Variants in TCF12 observed in about 807,000 individuals in gnomAD.
The protein encoded by TCF12 is transcription factor 12.
Under a neutral mutation model 86.0 loss-of-function variants are expected in TCF12, and 45 were observed. That is an observed-to-expected ratio of 0.52 (90% confidence interval 0.41 to 0.67). TCF12 has a LOEUF of 0.67. Ranked by LOEUF, TCF12 falls within the 30% of genes least tolerant of loss-of-function variation. The pLI is 0.00. For missense variants in TCF12, 881 were observed against 859.9 expected (o/e 1.02, Z -0.31); for synonymous variants, 330 against 299.6 (o/e 1.10, Z -1.05).
At chr15:57,290,546 G>C (rs1199339206), downstream of TCF12, among the ~76,000 whole-genome samples, 2 of 152,158 alleles carry the variant, frequency 1.3e-5, no homozygotes, top group African/African-American at 4.8e-5. Context: ...CATGCTGCAG[G>C]TTTGACATTA....
intron 3 of TCF12, among the ~76,000 whole-genome samples, chr15:57,026,018 T>C (rs1259266819): frequency 6.6e-6 from 1 of 152,178 alleles, no homozygotes; most frequent in Non-Finnish European, 1.5e-5. Flanking sequence ...GGAATAATAC[T>C]CTCCAGAGTT....
At chr15:57,089,511 G>A (rs1390677883) in intron 4 of TCF12, among the ~76,000 whole-genome samples, 1 of 151,462 alleles carries the variant, frequency 6.6e-6, no homozygotes, top group Non-Finnish European at 1.5e-5. Context: ...AATAAATTGT[G>A]TGTAGTCATT....
In TCF12 at chr15:57,256,565, G is replaced by A. The variant is rs904619074; in HGVS notation, c.1467+3097G>A. ...GATTCCCCACCCCCACCCCCACCCC[G>A]CCCCACCTTGTTTTTGGTCTCTTAT... On this transcript the variant is annotated intron_variant, in intron 16 of 20. Coordinates refer to ENST00000333725, the MANE Select transcript of TCF12 (RefSeq NM_207037.2). 2.8e-4 allele frequency among the ~76,000 whole-genome samples: 8 copies of A among 28,826 alleles called. No homozygotes were observed. In the East Asian group the frequency reaches 5.7e-3, roughly 20 times the overall value. 18.9% of individuals were successfully genotyped at this position (28,826 alleles called of 152,430 possible). A position where few individuals can be genotyped will look rare whatever the true frequency, so the allele number is the denominator to read the frequency against.
intron 3 of TCF12, among the ~76,000 whole-genome samples, chr15:56,944,708 A>G (rs547990159): frequency 8.5e-5 from 13 of 152,236 alleles, no homozygotes; most frequent in Non-Finnish European, 1.9e-4. Context: ...TACCATGGGG[A>G]CAGTGAAGTC....
chr15:57,280,574 C>T (rs1424118389), intron 19 of TCF12, among the ~76,000 whole-genome samples: 2 of 152,014 alleles, frequency 1.3e-5, no homozygotes, highest in Non-Finnish European at 2.9e-5. Flanking sequence ...ACACTTTTAC[C>T]TACTTTAAAG....
chr15:57,123,113 T>C (rs2051356771), intron 5 of TCF12, among the ~76,000 whole-genome samples: 1 of 152,228 alleles, frequency 6.6e-6, no homozygotes, highest in Non-Finnish European at 1.5e-5. Context: ...TTCCTGCCTT[T>C]ATGTGTGTTT....
chr15:57,142,634 G>T (rs1191947791), intron 5 of TCF12, among the ~76,000 whole-genome samples: 1 of 152,182 alleles, frequency 6.6e-6, no homozygotes, highest in Non-Finnish European at 1.5e-5. Flanking sequence ...TGAGAAACAG[G>T]ATTTTTACCT....
intron 8 of TCF12, among the ~76,000 whole-genome samples, chr15:57,230,395 T>C: frequency 6.6e-6 from 1 of 152,016 alleles, no homozygotes; most frequent in African/African-American, 2.4e-5. Flanking sequence ...ATGAGAATAG[T>C]GTGATCACAT....
chr15:57,134,699 T>A (rs2052390845), intron 5 of TCF12, among the ~76,000 whole-genome samples: 1 of 152,200 alleles, frequency 6.6e-6, no homozygotes, highest in Admixed American at 6.5e-5. Flanking sequence ...ATGAATCAGA[T>A]ACAATTAAGA....
chr15:57,046,656 A>G (rs1298677069), intron 3 of TCF12, among the ~76,000 whole-genome samples: 2 of 152,024 alleles, frequency 1.3e-5, no homozygotes, highest in Non-Finnish European at 2.9e-5. Context: ...GGGTTTCACC[A>G]TGTTGGCCAG....
chr15:56,968,387 G>A (rs1379202010), intron 3 of TCF12, among the ~76,000 whole-genome samples: 3 of 150,304 alleles, frequency 2.0e-5, no homozygotes, highest in Non-Finnish European at 4.4e-5. Context: ...TTGAAATGGG[G>A]GTCTCACTGT....
chr15:57,180,741 T>G (rs1221931872), intron 6 of TCF12, among the ~76,000 whole-genome samples: 1 of 151,540 alleles, frequency 6.6e-6, no homozygotes, highest in Non-Finnish European at 1.5e-5. Context: ...GTACTCTCCA[T>G]CTAATTTTCT....
chr15:57,090,172 C>T (rs1176696534), intron 4 of TCF12, among the ~76,000 whole-genome samples: 2 of 152,042 alleles, frequency 1.3e-5, no homozygotes, highest in Admixed American at 6.6e-5. Context: ...GCAGTGATCA[C>T]GCCACTGCAC....
At position 57,166,438 on chromosome 15, in the gene TCF12, G is replaced by A; in HGVS notation, c.362G>A (p.Ser121Asn). 1.2e-6 allele frequency: 2 copies of A among 1,612,612 alleles called. No homozygotes were observed. ...GAGAGAGGCTCATTTTCCCTGTACA[G>A]CAGAGATACTGGATTACCAGGCTGT... is the stretch of plus-strand genomic sequence containing the variant. ...TSERGSFSLY[S>N]RDTGLPGCQS... Residue 121 changes from serine (S) to asparagine (N), a missense_variant, in exon 6 of 21, where the codon AGC (serine) becomes AAC (asparagine). Ser to Asn is a conservative substitution (Grantham distance 46). Coordinates refer to ENST00000333725, the MANE Select transcript of TCF12 (RefSeq NM_207037.2).
chr15:57,099,859 T>C (rs1178774573), intron 5 of TCF12, among the ~76,000 whole-genome samples: 1 of 151,992 alleles, frequency 6.6e-6, no homozygotes, highest in Non-Finnish European at 1.5e-5. Flanking sequence ...CTGTAGAGGA[T>C]ATTTCAGAGT....
At chr15:56,935,564 G>A (rs2060433467) in intron 3 of TCF12, among the ~76,000 whole-genome samples, 1 of 151,894 alleles carries the variant, frequency 6.6e-6, no homozygotes, top group Non-Finnish European at 1.5e-5. Flanking sequence ...TGAGATTTTG[G>A]TGCACCCATC....
chr15:57,224,685 G>A (rs1229027880), intron 8 of TCF12, among the ~76,000 whole-genome samples: 1 of 152,138 alleles, frequency 6.6e-6, no homozygotes, highest in Middle Eastern at 3.2e-3. Flanking sequence ...TTTGGAAAGA[G>A]ATATTGGTCC....
Position 57,234,119 on chromosome 15 carries a change from T to A in TCF12, c.1035+12T>A, listed in dbSNP as rs1364708651. 1 of 1,608,650 alleles carries A rather than the reference T, an allele frequency of 6.2e-7. No individual in the cohort carries two copies. The highest frequency in any genetic ancestry group is 1.7e-5 in the Admixed American group (1 of 59,970). ...AGGCTTTGGCATCTGTGAGTATTGA[T>A]TTTACACATTCTACTGAATGAATTT... On this transcript the variant is annotated intron_variant, in intron 12 of 20. Coordinates refer to ENST00000333725, the MANE Select transcript of TCF12 (RefSeq NM_207037.2).
intron 8 of TCF12, among the ~76,000 whole-genome samples, chr15:57,208,641 T>C (rs2057968493): frequency 6.6e-6 from 1 of 151,726 alleles, no homozygotes; most frequent in Admixed American, 6.6e-5. Flanking sequence ...CACCTTGGCC[T>C]CCCAAAGTCC....
Sources: gnomAD v4.1 joint callset for allele counts (sites outside exome capture counted in the v4.1 genomes callset) on GRCh38, gnomAD v4.1.1 for gene constraint, MANE v1.5 for transcripts, NCBI Gene and HGNC (gene_info 2026-07-23, HGNC 2026-07-21) for gene names.